The following HELLS variants were observed in gnomAD, a reference collection of about 807,000 sequenced individuals.
HELLS encodes helicase, lymphoid specific.
Under a neutral mutation model 120.0 loss-of-function variants are expected in HELLS, and 32 were observed. The ratio of observed to expected loss-of-function variants is 0.27; its 90% CI spans 0.20 to 0.36. The LOEUF (loss-of-function observed/expected upper bound fraction) is 0.36. Ranked by LOEUF, HELLS falls within the 10% of genes least tolerant of loss-of-function variation. The pLI is 1.00. For synonymous variants in HELLS, 341 were observed against 323.4 expected, an observed-to-expected ratio of 1.05 and a Z score of -0.58; for missense variants, 650 against 993.4, an observed-to-expected ratio of 0.65 and a Z score of 4.65.
At chr10:94,598,455 T>G (rs531042890) in intron 21 of HELLS, among the ~76,000 whole-genome samples, 1 of 152,304 alleles carries the variant, frequency 6.6e-6, no homozygotes, top group African/African-American at 2.4e-5. Flanking sequence ...CCATTGTGCC[T>G]CAGTTTTTGT....
chr10:94,558,636 C>G (rs773485706), intron 4 of HELLS, among the ~76,000 whole-genome samples: 1 of 151,972 alleles, frequency 6.6e-6, no homozygotes, highest in Non-Finnish European at 1.5e-5. Context: ...GGGACTCGCT[C>G]TGTCACCCAG....
chr10:94,548,074 A>G (rs1842821367), intron 2 of HELLS, among the ~76,000 whole-genome samples: 1 of 152,224 alleles, frequency 6.6e-6, no homozygotes, highest in African/African-American at 2.4e-5. Context: ...CAAATAAGTA[A>G]TGATAAATAC....
intron 19 of HELLS, 33 bp downstream of exon 19, chr10:94,594,887 AAATTGTG>A (rs1564617006): frequency 6.7e-7 from 1 of 1,487,484 alleles, no homozygotes; most frequent in Non-Finnish European, 9.3e-7. Context: ...TTTATTGTTT[AAATTGTG>A]CATTGTGTGT....
intron 2 of HELLS, among the ~76,000 whole-genome samples, chr10:94,553,327 C>T (rs1214485297): frequency 6.6e-6 from 1 of 151,962 alleles, no homozygotes; most frequent in Admixed American, 6.6e-5. Context: ...CAGCTCACTG[C>T]AACCTCCGCT....
intron 10 of HELLS, among the ~76,000 whole-genome samples, chr10:94,580,300 G>A (rs1055005168): frequency 6.8e-6 from 1 of 147,172 alleles, no homozygotes; most frequent in Non-Finnish European, 1.5e-5. Context: ...CTCCTGCCTC[G>A]CCTCCTGAGT....
rs544400047 is a variant in HELLS at position 94,586,176 on chromosome 10, C to T, written c.1327-2053C>T. On this transcript the variant is annotated intron_variant, in intron 12 of 21. Coordinates refer to ENST00000348459, the MANE Select transcript of HELLS (RefSeq NM_018063.5). The stretch of plus-strand genomic sequence containing the variant: ...TGCTCTATTGCCCAGGCTGGAGTGC[C>T]GTGGTGCAATCTCGGCTCACTGCAA... Among the ~76,000 whole-genome samples the T allele has an allele frequency of 4.0e-5, 6 of 151,640 alleles. No individual in the cohort carries two copies. In the South Asian group the frequency reaches 8.4e-4, roughly 21 times the overall value.
chr10:94,600,501 A>C (rs911216884), intron 21 of HELLS, among the ~76,000 whole-genome samples: 1 of 152,188 alleles, frequency 6.6e-6, no homozygotes, highest in African/African-American at 2.4e-5. Flanking sequence ...CTAGAAGTAC[A>C]ATATGGTGAA....
At chr10:94,598,999 A>T (rs1198913836) in intron 21 of HELLS, among the ~76,000 whole-genome samples, 1 of 151,956 alleles carries the variant, frequency 6.6e-6, no homozygotes, top group East Asian at 1.9e-4. Flanking sequence ...CTGTATTCTC[A>T]ATTCTGTCCC....
At position 94,546,575 on chromosome 10, in the gene HELLS, C is replaced by G. The variant is rs1321651456; in HGVS notation, c.153+77C>G. ...TTAACCCGGAGGTGTGGTTTGTGTT[C>G]TTTGCTTTCCTATTTAGTGGGCTTT... On this transcript the variant is annotated intron_variant, in intron 2 of 21. Coordinates refer to ENST00000348459, the MANE Select transcript of HELLS (RefSeq NM_018063.5). 3.3e-6 allele frequency: 5 copies of G among 1,522,790 alleles called. No homozygotes were observed. In the East Asian group the frequency reaches 1.1e-4, roughly 34 times the overall value. 94.3% of individuals were successfully genotyped at this position (1,522,790 alleles called of 1,614,324 possible).
intron 2 of HELLS, among the ~76,000 whole-genome samples, chr10:94,549,029 AT>A (rs1294384911): frequency 6.6e-6 from 1 of 151,862 alleles, no homozygotes; most frequent in Non-Finnish European, 1.5e-5. Context: ...CAATCTTAAT[AT>A]AAGTGTGTAA....
chr10:94,547,576 G>C (rs1179146017), intron 2 of HELLS, among the ~76,000 whole-genome samples: 4 of 152,164 alleles, frequency 2.6e-5, no homozygotes, highest in Non-Finnish European at 5.9e-5. Flanking sequence ...TGCTTTATAT[G>C]TATTTACTCA....
chr10:94,567,726 C>T (rs911123917), intron 6 of HELLS, among the ~76,000 whole-genome samples: 1 of 151,912 alleles, frequency 6.6e-6, no homozygotes, highest in Non-Finnish European at 1.5e-5. Flanking sequence ...GGCAACATGG[C>T]GAAATCCTGT....
chr10:94,571,548 A>T (rs1844165549), intron 7 of HELLS, 119 bp downstream of exon 7: 16 of 600,848 alleles, frequency 2.7e-5, no homozygotes, highest in Middle Eastern at 5.1e-4. Context: ...TCTTTGCTTT[A>T]AAAAAAAATA....
chr10:94,589,505 A>G (rs1845352205), intron 13 of HELLS, among the ~76,000 whole-genome samples: 1 of 152,076 alleles, frequency 6.6e-6, no homozygotes, highest in African/African-American at 2.4e-5. Flanking sequence ...ATCACCCACC[A>G]TATTATAGGA....
At chr10:94,604,668 T>C (rs897945859), downstream of HELLS, among the ~76,000 whole-genome samples, 4 of 152,196 alleles carry the variant, frequency 2.6e-5, no homozygotes, top group African/African-American at 9.7e-5. Context: ...TACATCTTTT[T>C]AGTGTAGTTA....
chr10:94,593,697 C>G, intron 18 of HELLS, 82 bp downstream of exon 18: 5 of 819,032 alleles, frequency 6.1e-6, no homozygotes, highest in South Asian at 2.8e-5. Context: ...GAGTCTCACT[C>G]TGTTGCCCAG....
intron 2 of HELLS, among the ~76,000 whole-genome samples, chr10:94,549,294 G>A (rs1842875337): frequency 6.6e-6 from 1 of 152,166 alleles, no homozygotes; most frequent in Admixed American, 6.6e-5. Flanking sequence ...GTATGGGCAT[G>A]TATTTAGAAG....
chr10:94,593,405 G>A, intron 17 of HELLS, 94 bp from the exon 18 acceptor site: 1 of 737,638 alleles, frequency 1.4e-6, no homozygotes, highest in Non-Finnish European at 2.4e-6. Context: ...CTTTGTTTAA[G>A]TCTTTAATAG....
At chr10:94,585,387 T>G (rs12571537) in intron 12 of HELLS, among the ~76,000 whole-genome samples, 5 of 45,306 alleles carry the variant, frequency 1.1e-4, no homozygotes, top group Non-Finnish European at 2.3e-4. Context: ...TTGTTTTTGT[T>G]TTTTTTTTTG....
Sources: gnomAD v4.1 joint callset for allele counts (sites outside exome capture counted in the v4.1 genomes callset) on GRCh38, gnomAD v4.1.1 for gene constraint, MANE v1.5 for transcripts, NCBI Gene and HGNC (gene_info 2026-07-23, HGNC 2026-07-21) for gene names.